The following CSPG4 variants were observed in gnomAD, a reference collection of about 807,000 sequenced individuals.
CSPG4 encodes the protein chondroitin sulfate proteoglycan 4 (melanoma-associated).
Under a neutral mutation model 139.3 loss-of-function variants are expected in CSPG4, and 74 were observed. The observed-to-expected ratio is 0.53, with a 90% CI of 0.44 to 0.64. The LOEUF (loss-of-function observed/expected upper bound fraction) is 0.64. CSPG4 is among the 30% of genes least tolerant of loss of function. The probability of loss-of-function intolerance (pLI) is 0.00; values close to 1 mark genes in which losing one functional copy is unlikely to be tolerated. For missense variants in CSPG4, 2,565 were observed against 3,148.3 expected (o/e 0.81, Z 4.43); for synonymous variants, 1,234 against 1,394.2 (o/e 0.89, Z 2.56).
intron 4 of CSPG4, 64 bp downstream of exon 4, chr15:75,685,155 A>G (rs1894035787): frequency 6.7e-7 from 1 of 1,502,222 alleles, no homozygotes; most frequent in Admixed American, 2.3e-5. Flanking sequence ...GGGAGTCCCC[A>G]GGGCTCCCTC....
intron 8 of CSPG4, among the ~76,000 whole-genome samples, chr15:75,680,991 C>T (rs181811722): frequency 1.1e-4 from 17 of 152,296 alleles, no homozygotes; most frequent in Non-Finnish European, 1.6e-4. Flanking sequence ...CTCTGAGTAA[C>T]GTGGGACTAT....
Position 75,682,866 on chromosome 15 carries a change from C to T in CSPG4, c.4625G>A (p.Gly1542Glu), listed in dbSNP as rs147158109. 4.8e-5 allele frequency: 78 copies of T among 1,609,908 alleles called. No homozygotes were observed. The highest frequency in any genetic ancestry group is 1.3e-4 in the Admixed American group (8 of 59,912). The change falls in exon 6 of 10, where the codon GGG becomes GAG. Residue 1542 changes from glycine (G) to glutamate (E), a missense_variant. By Grantham distance (98) the Gly-to-Glu change is moderately conservative. Around this residue, in one of 5 missense-constraint regions of CSPG4, gnomAD observed 2,316 missense variants for 2,818.2 expected, o/e 0.82. Coordinates refer to ENST00000308508, the MANE Select transcript of CSPG4 (RefSeq NM_001897.5). Reference sequence around the variant, plus strand: ...ACCTCTGTGTGAGAACAGCACGAGCCCGCCGTCCAGCTGGGCCTGCGTGAA... The same window carrying T: ...ACCTCTGTGTGAGAACAGCACGAGCTCGCCGTCCAGCTGGGCCTGCGTGAA... ...RSFTQAQLDG[G>E]LVLFSHRGTL...
chr15:75,683,913 T>C (rs4077529), intron 5 of CSPG4, among the ~76,000 whole-genome samples: 109,807 of 152,104 alleles, frequency 0.72, 40,075 homozygotes, highest in African/African-American at 0.81. Flanking sequence ...ACCTGGTGGC[T>C]GTGCTGCCAC....
chr15:75,686,273 G>A (rs1286601234), intron 3 of CSPG4, among the ~76,000 whole-genome samples: 3 of 151,446 alleles, frequency 2.0e-5, no homozygotes, highest in South Asian at 2.1e-4. Context: ...ATGCGTGTGT[G>A]CACACACACA....
chr15:75,697,264 G>C (rs1450704276), intron 1 of CSPG4, among the ~76,000 whole-genome samples: 1 of 152,076 alleles, frequency 6.6e-6, no homozygotes, highest in East Asian at 1.9e-4. Flanking sequence ...TCTCCCCCTA[G>C]CTCTTTGGCT....
At position 75,677,000 on chromosome 15, in the gene CSPG4, G is replaced by A. The variant is rs1196929657; in HGVS notation, c.5519C>T (p.Pro1840Leu). The A allele has an allele frequency of 2.1e-6, 3 of 1,455,786 alleles. No individual in the cohort carries two copies. The highest frequency in any genetic ancestry group is 1.8e-6 in the Non-Finnish European group (2 of 1,097,792). The allele number at this position is 1,455,786 out of a possible 1,614,324, so 90.2% of individuals were successfully genotyped here. ...ACGAGAGCCTCGGGTGAGCCGGAGT[G>A]GGACAGAGGCCTGTGGCTGAGGGGG... is the stretch of plus-strand genomic sequence containing the variant. ...ERPPQPQASV[P>L]LRLTRGSRAP... Residue 1840 changes from proline to leucine, a missense_variant, in exon 10 of 10, where the codon CCA (proline) becomes CTA (leucine). Transcript: ENST00000308508.
chr15:75,676,417 A>G lies in CSPG4; in HGVS notation c.6102T>C (p.Asn2034=). 6 of 1,613,756 alleles carry G rather than the reference A, an allele frequency of 3.7e-6. No individual in the cohort carries two copies. Among genetic ancestry groups the G allele is most frequent in the Non-Finnish European group, 4.2e-6 (5 of 1,180,028 alleles). ...CAGTGACGTTCACTACGGCTGATGC[A>G]TTGACACCCCTAGCCAGTGCCAGGA... The part of the protein sequence containing the change: ...FRVLALARGV[N]ASAVVNVTVR... Residue 2034 remains asparagine (N), a synonymous_variant, in exon 10 of 10, where the codon AAT becomes AAC. Transcript: ENST00000308508.
At chr15:75,703,650 C>T (rs1596013604) in intron 1 of CSPG4, among the ~76,000 whole-genome samples, 1 of 149,858 alleles carries the variant, frequency 6.7e-6, no homozygotes, top group South Asian at 2.1e-4. Context: ...ACGGCCGGGA[C>T]CTTGAGGGAC....
intron 5 of CSPG4, among the ~76,000 whole-genome samples, chr15:75,683,857 G>C (rs887181914): frequency 1.3e-5 from 2 of 152,242 alleles, no homozygotes; most frequent in African/African-American, 4.8e-5. Flanking sequence ...TTGCGGGGCA[G>C]GACCCCAGCA....
Position 75,676,014 on chromosome 15 carries a change from G to C in CSPG4, c.6505C>G (p.Arg2169Gly), listed in dbSNP as rs148844244. ...CTGAGCAGGGCCACGCTGTAGGGCC[G>C]GGCAGCATTGTAAGGCTCAGTGGCA... is the stretch of plus-strand genomic sequence containing the variant. ...DFATEPYNAARPYSVALLSVP... is the reference protein window; with the variant it reads ...DFATEPYNAAGPYSVALLSVP... The change falls in exon 10 of 10, where the codon CGG becomes GGG. Residue 2169 changes from arginine (R) to glycine (G), a missense_variant. Arg to Gly is a moderately radical substitution (Grantham distance 125). Transcript: ENST00000308508. 6.4e-7 allele frequency: 1 copy of C among 1,562,770 alleles called. No homozygotes were observed. Among genetic ancestry groups the C allele is most frequent in the South Asian group, 1.2e-5 (1 of 86,144 alleles).
intron 5 of CSPG4, among the ~76,000 whole-genome samples, chr15:75,683,629 T>G (rs975335716): frequency 2.6e-5 from 4 of 152,182 alleles, no homozygotes; most frequent in African/African-American, 9.7e-5. Flanking sequence ...CCTCCTTATG[T>G]TGGGCAAAGG....
At position 75,677,264 on chromosome 15, in the gene CSPG4, G is replaced by A. The variant is rs1276969344; in HGVS notation, c.5255C>T (p.Thr1752Ile). 2.0e-6 allele frequency: 3 copies of A among 1,498,296 alleles called. No homozygotes were observed. Among genetic ancestry groups the A allele is most frequent in the Non-Finnish European group, 2.7e-6 (3 of 1,119,262 alleles). 92.8% of individuals were successfully genotyped at this position (1,498,296 alleles called of 1,614,324 possible). A position where few individuals can be genotyped will look rare whatever the true frequency, so the allele number is the denominator to read the frequency against. ...RSEHDVLFQV[T>I]QFPSRGQLLV... The stretch of plus-strand genomic sequence containing the variant: ...CAGCTGGCCCCGGCTGGGGAACTGT[G>A]TGACCTGGAAGAGCACATCATGCTC... Residue 1752 changes from threonine (T) to isoleucine (I), a missense_variant, in exon 10 of 10, where the codon ACA (threonine) becomes ATA (isoleucine). Physicochemically the swap from Thr to Ile is moderately conservative, Grantham distance 89. Coordinates refer to ENST00000308508, the MANE Select transcript of CSPG4 (RefSeq NM_001897.5).
Position 75,676,954 on chromosome 15 carries a change from C to G in CSPG4, c.5565G>C (p.Gln1855His). 5.3e-6 allele frequency: 8 copies of G among 1,519,544 alleles called. No homozygotes were observed. The highest frequency in any genetic ancestry group is 7.1e-6 in the Non-Finnish European group (8 of 1,128,590). The allele number at this position is 1,519,544 out of a possible 1,614,324, so 94.1% of individuals were successfully genotyped here. The change falls in exon 10 of 10, where the codon CAG becomes CAC. Residue 1855 changes from glutamine (Q) to histidine (H), a missense_variant. Transcript: ENST00000308508. The part of the protein sequence containing the change: ...RGSRAPISRA[Q>H]LSVVDPDSAP... ...CTGAGTCTGGGTCCACCACACTCAG[C>G]TGGGCCCGGGAGATGGGGGCACGAG...
intron 7 of CSPG4, 38 bp from the exon 8 acceptor site, chr15:75,682,497 G>A (rs1332036806): frequency 1.3e-6 from 2 of 1,573,380 alleles, no homozygotes; most frequent in South Asian, 2.3e-5. Context: ...TTTTGACTGG[G>A]AGCCAGGTCC....
Position 75,677,052 on chromosome 15 carries a change from T to C in CSPG4, c.5467A>G (p.Ile1823Val), listed in dbSNP as rs980776435. 2.1e-6 allele frequency: 3 copies of C among 1,422,374 alleles called. No individual in the cohort carries two copies. The highest frequency in any genetic ancestry group is 3.2e-5 in the South Asian group (2 of 61,806). The allele number at this position is 1,422,374 out of a possible 1,614,324, so 88.1% of individuals were successfully genotyped here. Reference sequence around the variant, plus strand: ...CGCTCATTTACATCCCTCACCGTGATGGCAAAGGCCTCTGAGGTTTGGGGT... The same window carrying C: ...CGCTCATTTACATCCCTCACCGTGACGGCAAAGGCCTCTGAGGTTTGGGGT... ...AGPQTSEAFA[I>V]TVRDVNERPP... The change falls in exon 10 of 10, where the codon ATC becomes GTC. Residue 1823 changes from isoleucine (I) to valine (V), a missense_variant. By Grantham distance (29) the Ile-to-Val change is conservative. Around this residue, in one of 5 missense-constraint regions of CSPG4, gnomAD observed 2,316 missense variants for 2,818.2 expected, o/e 0.82. Coordinates refer to ENST00000308508, the MANE Select transcript of CSPG4 (RefSeq NM_001897.5).
At chr15:75,677,436 T>C (rs762090038) in intron 9 of CSPG4, 52 bp from the exon 10 acceptor site, 5 of 1,401,684 alleles carry the variant, frequency 3.6e-6, no homozygotes, top group Non-Finnish European at 4.6e-6. Context: ...GGGAGAGTGA[T>C]GGACCCTCAG....
At position 75,689,007 on chromosome 15, in the gene CSPG4, C is replaced by T. The variant is rs199575102; in HGVS notation, c.2058G>A (p.Leu686=). The T allele has an allele frequency of 1.9e-6, 3 of 1,612,282 alleles. No individual in the cohort carries two copies. Among genetic ancestry groups the T allele is most frequent in the Non-Finnish European group, 2.5e-6 (3 of 1,179,998 alleles). Residue 686 remains leucine (L), a synonymous_variant, in exon 3 of 10, where the codon CTG becomes CTA. Transcript: ENST00000308508. ...GCCCCACGGCATTGGTCTCCACCGA[C>T]AGGTTGGCGGGCAAGATGGGCATGG... ...GSAMPILPAN[L]SVETNAVGQD...
chr15:75,679,463 C>T (rs1893941865), intron 8 of CSPG4: 1 of 152,324 alleles, frequency 6.6e-6, no homozygotes, highest in Non-Finnish European at 1.5e-5. Context: ...GGCTCTTTGG[C>T]TCACATAGTG....
chr15:75,709,740 C>T (rs1340522930), intron 1 of CSPG4, among the ~76,000 whole-genome samples: 2 of 152,152 alleles, frequency 1.3e-5, no homozygotes, highest in Non-Finnish European at 2.9e-5. Context: ...GAGCTCCACA[C>T]GCACCCTACT....
Sources: gnomAD v4.1 joint callset for allele counts (sites outside exome capture counted in the v4.1 genomes callset) on GRCh38, gnomAD v4.1.1 for gene constraint, gnomAD v4.1.1 regional missense constraint, MANE v1.5 for transcripts, NCBI Gene and HGNC (gene_info 2026-07-23, HGNC 2026-07-21) for gene names.